Variants in PFKFB1 observed in about 807,000 individuals in gnomAD.
PFKFB1 encodes the protein 6-phosphofructo-2-kinase/fructose-2,6-biphosphatase 1, also known as 6-phosphofructo-2-kinase/fructose-2,6-bisphosphatase 1.
Under a neutral mutation model 46.4 loss-of-function variants are expected in PFKFB1, and 34 were observed. That is an observed-to-expected ratio of 0.73 (90% CI 0.56 to 0.98). The LOEUF (loss-of-function observed/expected upper bound fraction) is 0.98. Ranked by LOEUF, PFKFB1 falls within the 50% of genes least tolerant of loss-of-function variation. The pLI, the probability that PFKFB1 is intolerant of heterozygous loss-of-function variation, is 0.00. For missense variants in PFKFB1, 393 were observed against 376.3 expected (o/e 1.04, Z -0.37); for synonymous variants, 119 against 133.8 (o/e 0.89, Z 0.76).
intron 10 of PFKFB1, among the ~76,000 whole-genome samples, chrX:54,938,982 G>A (rs1933510314): frequency 9.0e-6 from 1 of 111,356 alleles, no homozygotes; most frequent in African/African-American, 3.3e-5. Context: ...TTGACCACCT[G>A]GTTGGAAGTA....
rs368543535 is a variant in PFKFB1, at chrX:54,963,238, A to T, written c.223+19T>A. 5 of 1,208,169 alleles carry T rather than the reference A, an allele frequency of 4.1e-6. No individual in the cohort carries two copies. The African/African-American group carries it at 6.9e-5, about 17-fold the overall frequency. ...GTAGCTTTTATGGGGTTGTTGAACA[A>T]AGGCTTTCAGAGACATACCTTTAGT... On this transcript the variant is annotated intron_variant, in intron 2 of 13. Transcript: ENST00000375006.
chrX:54,977,053 C>T (rs781162498), intron 1 of PFKFB1, among the ~76,000 whole-genome samples: 3 of 110,266 alleles, frequency 2.7e-5, no homozygotes, highest in Non-Finnish European at 3.8e-5. Flanking sequence ...CTATACGGTA[C>T]TATGGAAGAG....
chrX:54,949,228 T>C lies in PFKFB1; in HGVS notation c.847-7A>G. 2.5e-6 allele frequency: 3 copies of C among 1,183,847 alleles called. No homozygotes were observed. Among genetic ancestry groups the C allele is most frequent in the Non-Finnish European group, 3.4e-6 (3 of 878,103 alleles). On this transcript the variant is annotated splice_polypyrimidine_tract_variant and splice_region_variant and intron_variant, in intron 8 of 13. Coordinates refer to ENST00000375006, the MANE Select transcript of PFKFB1 (RefSeq NM_002625.4). The stretch of plus-strand genomic sequence containing the variant: ...TGGCCAGGGCATAGGCATACTAGGA[T>C]GTGGGGATGCAGAGGAGGAGAGAAG...
At chrX:54,992,382 C>T (rs1401636954) in intron 1 of PFKFB1, among the ~76,000 whole-genome samples, 1 of 112,237 alleles carries the variant, frequency 8.9e-6, no homozygotes, top group Non-Finnish European at 1.9e-5. Context: ...TTCACAACTA[C>T]ACTGTTATTA....
chrX:54,973,012 C>T (rs1243372247), intron 1 of PFKFB1, among the ~76,000 whole-genome samples: 7 of 107,841 alleles, frequency 6.5e-5, no homozygotes, highest in East Asian at 2.9e-4. Context: ...GCTACAATTT[C>T]AGAGCCTGTT....
chrX:54,937,606 T>C lies in PFKFB1; in HGVS notation c.1217A>G (p.Asp406Gly). The change falls in exon 11 of 14, where the codon GAT becomes GGT. Residue 406 changes from aspartate (D) to glycine (G), a missense_variant. Asp to Gly is a moderately conservative substitution (Grantham distance 94). Transcript: ENST00000375006. ...VMRCLLAYFL[D>G]KSSDELPYLK... Reference sequence around the variant, plus strand: ...GATGAGGGTAGTACCTGAACTTTTATCCAGGAAATAGGCCAGGAGGCACCG... The same window carrying C: ...GATGAGGGTAGTACCTGAACTTTTACCCAGGAAATAGGCCAGGAGGCACCG... The C allele has an allele frequency of 1.7e-6, 2 of 1,210,418 alleles. No homozygotes were observed. The highest frequency in any genetic ancestry group is 2.2e-6 in the Non-Finnish European group (2 of 894,433).
At chrX:54,942,342 T>C (rs776478664) in intron 10 of PFKFB1, among the ~76,000 whole-genome samples, 9 of 111,433 alleles carry the variant, frequency 8.1e-5, no homozygotes, top group African/African-American at 2.6e-4. Flanking sequence ...TGTATACATA[T>C]GTAACAAACT....
chrX:54,969,889 C>A (rs1934593508), intron 1 of PFKFB1, among the ~76,000 whole-genome samples: 1 of 111,629 alleles, frequency 9.0e-6, no homozygotes, highest in African/African-American at 3.3e-5. Context: ...TGTAGAAAAT[C>A]CCAGGAAATC....
intron 1 of PFKFB1, among the ~76,000 whole-genome samples, chrX:54,966,756 C>A (rs1934489123): frequency 9.0e-6 from 1 of 111,594 alleles, no homozygotes; most frequent in Non-Finnish European, 1.9e-5. Context: ...ACTCTCTCCT[C>A]CTGCTACTTG....
intron 7 of PFKFB1, among the ~76,000 whole-genome samples, chrX:54,954,509 T>A (rs1295280183): frequency 8.9e-6 from 1 of 112,127 alleles, no homozygotes. Flanking sequence ...CGGGACTCTG[T>A]CTCAAAAATT....
upstream of PFKFB1, chrX:54,998,662 T>C: frequency 2.5e-6 from 1 of 393,603 alleles, no homozygotes; most frequent in South Asian, 4.9e-5. Flanking sequence ...CAACCATGTG[T>C]TCACCTTGCC....
At position 54,951,968 on chromosome X, in the gene PFKFB1, C is replaced by T. The variant is rs1450959817; in HGVS notation, c.783G>A (p.Glu261=). 8.3e-7 allele frequency: 1 copy of T among 1,209,126 alleles called. No homozygotes were observed. The highest frequency in any genetic ancestry group is 1.1e-6 in the Non-Finnish European group (1 of 894,517). ...TGCGGCCTCTGATGTTGAGTTCACT[C>T]TCGCCATGTCGGCAAAGGTAGATGG... is the stretch of plus-strand genomic sequence containing the variant. ...PRSIYLCRHG[E]SELNIRGRIG... is the part of the protein sequence containing the mutation. Residue 261 remains glutamate (E), a synonymous_variant, in exon 8 of 14, where the codon GAG becomes GAA. Transcript: ENST00000375006.
chrX:54,974,680 GA>G (rs1285773619), intron 1 of PFKFB1, among the ~76,000 whole-genome samples: 1 of 111,908 alleles, frequency 8.9e-6, no homozygotes, highest in East Asian at 2.8e-4. Flanking sequence ...AACAGAGTGG[GA>G]GAAAATATTC....
At chrX:54,990,902 T>C (rs750880242) in intron 1 of PFKFB1, among the ~76,000 whole-genome samples, 1 of 112,330 alleles carries the variant, frequency 8.9e-6, no homozygotes, top group Admixed American at 9.4e-5. Flanking sequence ...CATTCATCTT[T>C]TAAAAATTGT....
chrX:54,968,195 A>G (rs1227602950), intron 1 of PFKFB1, among the ~76,000 whole-genome samples: 3 of 65,343 alleles, frequency 4.6e-5, no homozygotes, highest in African/African-American at 1.7e-4. Context: ...ATTGGAAATC[A>G]TCATTCTCAG....
chrX:54,981,375 C>T (rs1008912976), intron 1 of PFKFB1, among the ~76,000 whole-genome samples: 3 of 111,582 alleles, frequency 2.7e-5, no homozygotes, highest in African/African-American at 9.7e-5. Flanking sequence ...CAATTAGATT[C>T]GCAGTTGACT....
upstream of PFKFB1, among the ~76,000 whole-genome samples, chrX:54,995,141 C>T (rs73634958): frequency 0.025 from 2,839 of 111,549 alleles, 80 homozygotes; most frequent in African/African-American, 0.088. Context: ...TCCCCTGACC[C>T]GTTGTTTTGA....
intron 1 of PFKFB1, among the ~76,000 whole-genome samples, chrX:54,975,335 T>TTGGA (rs1403650728): frequency 3.6e-5 from 4 of 111,048 alleles, no homozygotes; most frequent in Admixed American, 9.6e-5. Context: ...TTGCAGCAAC[T>TTGGA]TGGATGGAGA....
chrX:54,968,532 A>G (rs1264113002), intron 1 of PFKFB1, among the ~76,000 whole-genome samples: 2 of 111,449 alleles, frequency 1.8e-5, no homozygotes, highest in Non-Finnish European at 3.8e-5. Context: ...ATAAAAACTT[A>G]GGAATGAAAG....
Sources: gnomAD v4.1 joint callset for allele counts (sites outside exome capture counted in the v4.1 genomes callset) on GRCh38, gnomAD v4.1.1 for gene constraint, MANE v1.5 for transcripts, NCBI Gene and HGNC (gene_info 2026-07-23, HGNC 2026-07-21) for gene names.